Variants in TIAM1 observed in about 807,000 individuals in gnomAD.
TIAM1 encodes the protein rho guanine nucleotide exchange factor TIAM1.
TIAM1 carries 65 observed loss-of-function variants against 163.5 expected under a neutral mutation model. The ratio of observed to expected loss-of-function variants is 0.40; its 90% confidence interval spans 0.33 to 0.49. The LOEUF (loss-of-function observed/expected upper bound fraction) is 0.49. TIAM1 is among the 20% of genes least tolerant of loss of function. The pLI, the probability that TIAM1 is intolerant of heterozygous loss-of-function variation, is 0.77. For missense variants in TIAM1, 1,789 were observed against 2,044.7 expected (o/e 0.87, Z 2.41); for synonymous variants, 833 against 810.1 (o/e 1.03, Z -0.48).
chr21:31,211,292 T>C (rs2086876477), intron 10 of TIAM1, among the ~76,000 whole-genome samples: 2 of 152,170 alleles, frequency 1.3e-5, no homozygotes, highest in South Asian at 2.1e-4. Flanking sequence ...TAGCTTGATA[T>C]AATGTTACTT....
rs865895317 is a variant in TIAM1 at position 31,176,579 on chromosome 21, C to G, written c.2887+5842G>C. Among the ~76,000 whole-genome samples, 3 of 152,280 alleles carry G rather than the reference C, an allele frequency of 2.0e-5. No individual in the cohort carries two copies. The South Asian group carries it at 6.2e-4, about 32-fold the overall frequency. On this transcript the variant is annotated intron_variant, in intron 15 of 27. Coordinates refer to ENST00000541036, the MANE Select transcript of TIAM1 (RefSeq NM_001353694.2). Reference sequence around the variant, plus strand: ...GGCTTTCTAAGCCAACGTGGCAACCCATTCAGCAGGCTTCCCTCGTAAACC... The same window carrying G: ...GGCTTTCTAAGCCAACGTGGCAACCGATTCAGCAGGCTTCCCTCGTAAACC...
At chr21:31,217,326 G>A (rs1569045716) in intron 9 of TIAM1, among the ~76,000 whole-genome samples, 1 of 152,216 alleles carries the variant, frequency 6.6e-6, no homozygotes, top group African/African-American at 2.4e-5. Flanking sequence ...TGAGGGTTTG[G>A]AAAGGATGCA....
chr21:31,258,044 C>T (rs2146777080), intron 4 of TIAM1, among the ~76,000 whole-genome samples: 1 of 151,976 alleles, frequency 6.6e-6, no homozygotes, highest in Non-Finnish European at 1.5e-5. Flanking sequence ...CCCTGACCAC[C>T]CTGTCAGAAA....
chr21:31,189,261 G>A (rs114642574), intron 13 of TIAM1, among the ~76,000 whole-genome samples: 2,330 of 151,188 alleles, frequency 0.015, 62 homozygotes, highest in African/African-American at 0.053. Context: ...CGTCATGCTG[G>A]CCAGACTGGT....
chr21:31,383,325 T>A (rs2076811065), intron 2 of TIAM1, among the ~76,000 whole-genome samples: 1 of 152,308 alleles, frequency 6.6e-6, no homozygotes, highest in South Asian at 2.1e-4. Context: ...TGTCATGATC[T>A]AAACATACAG....
At chr21:31,515,130 T>C (rs1046162806) in intron 1 of TIAM1, among the ~76,000 whole-genome samples, 1 of 152,160 alleles carries the variant, frequency 6.6e-6, no homozygotes, top group African/African-American at 2.4e-5. Flanking sequence ...TACCCTTTGT[T>C]ATCCACCTTT....
At chr21:31,519,416 T>A (rs1032976119) in intron 1 of TIAM1, among the ~76,000 whole-genome samples, 16 of 135,790 alleles carry the variant, frequency 1.2e-4, no homozygotes, top group African/African-American at 4.5e-4. Context: ...GGTTGAGGCA[T>A]GAGAATTGAT....
At chr21:31,325,008 G>A (rs1184514363) in intron 2 of TIAM1, among the ~76,000 whole-genome samples, 2 of 151,988 alleles carry the variant, frequency 1.3e-5, no homozygotes, top group African/African-American at 4.8e-5. Flanking sequence ...GGCCAGGCAC[G>A]GTGGCTCACA....
intron 1 of TIAM1, among the ~76,000 whole-genome samples, chr21:31,554,548 G>C (rs1003848388): frequency 1.3e-5 from 2 of 152,156 alleles, no homozygotes; most frequent in African/African-American, 4.8e-5. Flanking sequence ...TTGGTGACAG[G>C]ACCAAGCCTC....
chr21:31,202,255 TTAAAA>T (rs1384760154), intron 12 of TIAM1, among the ~76,000 whole-genome samples: 6 of 152,110 alleles, frequency 3.9e-5, no homozygotes, highest in East Asian at 3.9e-4. Flanking sequence ...AAGTCACCAA[TTAAAA>T]TAAAAGACTG....
At chr21:31,550,864 T>A (rs1431354122) in intron 1 of TIAM1, among the ~76,000 whole-genome samples, 2 of 152,184 alleles carry the variant, frequency 1.3e-5, no homozygotes, top group Non-Finnish European at 2.9e-5. Context: ...TTGGTTGATG[T>A]AACTAAATTA....
At chr21:31,291,663 C>T (rs1374147833) in intron 2 of TIAM1, among the ~76,000 whole-genome samples, 1 of 152,244 alleles carries the variant, frequency 6.6e-6, no homozygotes, top group Non-Finnish European at 1.5e-5. Context: ...GCTGGGACTG[C>T]AGGCATGCGC....
At chr21:31,238,086 G>A (rs1483432508) in intron 6 of TIAM1, among the ~76,000 whole-genome samples, 2 of 152,142 alleles carry the variant, frequency 1.3e-5, no homozygotes, top group African/African-American at 4.8e-5. Flanking sequence ...CTTTCCATGG[G>A]TGAATCTGTG....
chr21:31,280,414 C>G (rs1484033541), intron 2 of TIAM1, among the ~76,000 whole-genome samples: 1 of 152,194 alleles, frequency 6.6e-6, no homozygotes, highest in Non-Finnish European at 1.5e-5. Context: ...CCCTGCCTTC[C>G]TCCTTGATTG....
intron 2 of TIAM1, among the ~76,000 whole-genome samples, chr21:31,425,463 G>A (rs990887833): frequency 6.6e-6 from 1 of 152,126 alleles, no homozygotes; most frequent in African/African-American, 2.4e-5. Context: ...AGGTTAGACA[G>A]CTTCTCAGAC....
intron 1 of TIAM1, among the ~76,000 whole-genome samples, chr21:31,535,998 G>A (rs1193137650): frequency 1.3e-5 from 2 of 152,172 alleles, no homozygotes; most frequent in Non-Finnish European, 2.9e-5. Context: ...CAGCAGAAAA[G>A]GTCCTGGGAG....
intron 2 of TIAM1, among the ~76,000 whole-genome samples, chr21:31,302,082 T>C (rs2074528189): frequency 6.6e-6 from 1 of 151,942 alleles, no homozygotes; most frequent in Non-Finnish European, 1.5e-5. Flanking sequence ...AAAATTGTAT[T>C]TTAATTTAAA....
chr21:31,398,188 T>C (rs1373133162), intron 2 of TIAM1, among the ~76,000 whole-genome samples: 1 of 151,370 alleles, frequency 6.6e-6, no homozygotes, highest in African/African-American at 2.4e-5. Flanking sequence ...AAAGCTTTGT[T>C]CTTTAGAACC....
Position 31,225,735 on chromosome 21 carries a change from T to A in TIAM1, c.1800A>T (p.Ile600=), listed in dbSNP as rs1373268388. The A allele has an allele frequency of 1.9e-6, 3 of 1,611,142 alleles. No homozygotes were observed. Among genetic ancestry groups the A allele is most frequent in the Non-Finnish European group, 2.5e-6 (3 of 1,179,642 alleles). ...SVTDSKKKKT[I]LDQIFVWEQN... is the part of the protein sequence containing the mutation. ...ACGGAAGAACGATTACCTGATCTAATATTGTTTTCTTTTTCTTTGAGTCAG... is the reference window on the plus strand; with the variant it reads ...ACGGAAGAACGATTACCTGATCTAAAATTGTTTTCTTTTTCTTTGAGTCAG... Residue 600 remains isoleucine (I), a synonymous_variant, in exon 7 of 28, where the codon ATA becomes ATT. Coordinates refer to ENST00000541036, the MANE Select transcript of TIAM1 (RefSeq NM_001353694.2).
Sources: gnomAD v4.1 joint callset for allele counts (sites outside exome capture counted in the v4.1 genomes callset) on GRCh38, gnomAD v4.1.1 for gene constraint, MANE v1.5 for transcripts, NCBI Gene and HGNC (gene_info 2026-07-23, HGNC 2026-07-21) for gene names.